Variants in RTEL1 observed in about 807,000 individuals in gnomAD.
RTEL1 encodes the protein regulator of telomere elongation helicase 1.
In RTEL1, 86 loss-of-function variants were observed where a neutral mutation model predicts 162.2. The ratio of observed to expected loss-of-function variants is 0.53; its 90% confidence interval spans 0.45 to 0.63. The LOEUF is 0.63. Ranked by LOEUF, RTEL1 falls within the 30% of genes least tolerant of loss-of-function variation. The pLI, the probability that RTEL1 is intolerant of heterozygous loss-of-function variation, is 0.00. For synonymous variants in RTEL1, 958 were observed against 717.9 expected (o/e 1.33, Z -5.35); for missense variants, 1,941 against 1,750.2 (o/e 1.11, Z -1.95).
chr20:63,690,061 G>T, intron 24 of RTEL1, 26 bp from the exon 25 acceptor site: 1 of 1,605,834 alleles, frequency 6.2e-7, no homozygotes, highest in Non-Finnish European at 8.5e-7. Context: ...TGTGGGCAGG[G>T]CAGCAGGGCT....
chr20:63,683,310 G>A (rs2090515384), intron 14 of RTEL1, among the ~76,000 whole-genome samples: 1 of 152,196 alleles, frequency 6.6e-6, no homozygotes, highest in African/African-American at 2.4e-5. Context: ...GGCAGACTCA[G>A]CCCTGCTCAT....
chr20:63,666,687 C>T (rs998233121), intron 7 of RTEL1, among the ~76,000 whole-genome samples: 6 of 152,092 alleles, frequency 3.9e-5, no homozygotes, highest in African/African-American at 1.4e-4. Context: ...AGGCACACAC[C>T]ACCATGCCTG....
intron 27 of RTEL1, among the ~76,000 whole-genome samples, chr20:63,691,367 A>T (rs1219565488): frequency 6.6e-6 from 1 of 152,050 alleles, no homozygotes; most frequent in South Asian, 2.1e-4. Flanking sequence ...GGCCAACCCG[A>T]AATTTTCTCC....
In RTEL1 at chr20:63,691,040, A is replaced by C. The variant is rs547338034; in HGVS notation, c.2556+93A>C. The C allele has an allele frequency of 3.1e-4, 397 of 1,289,158 alleles. 1 individual carries two copies. In the African/African-American group the frequency reaches 3.3e-3, roughly 11 times the overall value. The allele number at this position is 1,289,158 out of a possible 1,614,324, so 79.9% of individuals were successfully genotyped here. ...TCTGGCCTCAGGCACCTCCCCACAC[A>C]CCCCTGTAAATCCCCTGCCTGGCAG... On this transcript the variant is annotated intron_variant, in intron 27 of 34. Transcript: ENST00000360203.
rs929062749 is a variant in RTEL1 at position 63,692,951 on chromosome 20, C to T, written c.2799C>T (p.Ala933=). Residue 933 remains alanine, a synonymous_variant, in exon 29 of 35, where the codon GCC becomes GCT. Coordinates refer to ENST00000360203, the MANE Select transcript of RTEL1 (RefSeq NM_001283009.2). ...CCGATGACTTCGCCGCCCTGGCCGC[C>T]TGTCTCGGCCCCCTCTTTGCTGAGG... ...KGSDDFAALA[A]CLGPLFAEDP... is the part of the protein sequence containing the mutation. 7 of 1,612,674 alleles carry T rather than the reference C, an allele frequency of 4.3e-6. No individual in the cohort carries two copies. The highest frequency in any genetic ancestry group is 3.3e-5 in the Admixed American group (2 of 60,016).
chr20:63,676,534 C>T (rs1044728036), intron 10 of RTEL1, among the ~76,000 whole-genome samples: 1 of 152,148 alleles, frequency 6.6e-6, no homozygotes, highest in African/African-American at 2.4e-5. Context: ...TGCAAGATGG[C>T]AGTGTGCTAA....
At chr20:63,669,402 G>A (rs2090203178) in intron 8 of RTEL1, among the ~76,000 whole-genome samples, 1 of 152,170 alleles carries the variant, frequency 6.6e-6, no homozygotes, top group Non-Finnish European at 1.5e-5. Flanking sequence ...CAAGGCACTA[G>A]CCATGAAGAA....
At chr20:63,683,174 C>T (rs1360163041) in intron 14 of RTEL1, among the ~76,000 whole-genome samples, 1 of 152,178 alleles carries the variant, frequency 6.6e-6, no homozygotes, top group Non-Finnish European at 1.5e-5. Context: ...CCATGTTTCC[C>T]AGGCTGGTCT....
At position 63,688,509 on chromosome 20, in the gene RTEL1, C is replaced by T; in HGVS notation, c.1723-19C>T. The T allele has an allele frequency of 6.2e-7, 1 of 1,609,122 alleles. No homozygotes were observed. The highest frequency in any genetic ancestry group is 1.1e-5 in the South Asian group (1 of 90,600). On this transcript the variant is annotated intron_variant, in intron 20 of 34. Coordinates refer to ENST00000360203, the MANE Select transcript of RTEL1 (RefSeq NM_001283009.2). ...CGGCGTGACCAGGGCTGCCGTGTCC[C>T]TGCCTCTTCCTCCCACAGGCCCGCG...
rs773057692 is a variant in RTEL1 at position 63,692,795 on chromosome 20, T to G, written c.2653-10T>G. The G allele has an allele frequency of 6.8e-6, 11 of 1,607,630 alleles. No homozygotes were observed. In the South Asian group the frequency reaches 1.2e-4, roughly 18 times the overall value. On this transcript the variant is annotated splice_polypyrimidine_tract_variant and intron_variant, in intron 28 of 34. Transcript: ENST00000360203. ...TGGCCCTGATGGAGCCTCGGGCCTGTGTCCTGCAGGAGGAGCCCGTGGCTG... is the reference window on the plus strand; with the variant it reads ...TGGCCCTGATGGAGCCTCGGGCCTGGGTCCTGCAGGAGGAGCCCGTGGCTG...
Position 63,693,013 on chromosome 20 carries a change from C to A in RTEL1, c.2851+10C>A, listed in dbSNP as rs1312360021. The A allele has an allele frequency of 1.2e-6, 2 of 1,612,230 alleles. No individual in the cohort carries two copies. Among genetic ancestry groups the A allele is most frequent in the Non-Finnish European group, 1.7e-6 (2 of 1,179,540 alleles). ...CACAACCTGCTCCAAGGTGCCCTGG[C>A]TTGCAGAGGCCACCCACCCTGAGGG... On this transcript the variant is annotated intron_variant, in intron 29 of 34. Coordinates refer to ENST00000360203, the MANE Select transcript of RTEL1 (RefSeq NM_001283009.2).
In RTEL1 at chr20:63,693,264, G is replaced by A. The variant is rs748092893; in HGVS notation, c.2973G>A (p.Gln991=). The change falls in exon 30 of 35, where the codon CAG becomes CAA. Residue 991 remains glutamine (Q), a synonymous_variant. Coordinates refer to ENST00000360203, the MANE Select transcript of RTEL1 (RefSeq NM_001283009.2). ...GCATTCCCCGAAGGCAGCGGGCACAGCCGGTCCTGGACCCCACTGGTAAAT... is the reference window on the plus strand; with the variant it reads ...GCATTCCCCGAAGGCAGCGGGCACAACCGGTCCTGGACCCCACTGGTAAAT... ...EHSIPRRQRA[Q]PVLDPTGRTA... The A allele has an allele frequency of 2.5e-6, 4 of 1,611,884 alleles. No individual in the cohort carries two copies. The South Asian group carries it at 4.4e-5, about 18-fold the overall frequency.
At chr20:63,689,179 G>A (rs748142510) in intron 22 of RTEL1, 47 bp downstream of exon 22, 1 of 1,569,264 alleles carries the variant, frequency 6.4e-7, no homozygotes, top group African/African-American at 1.3e-5. Flanking sequence ...CCTGTTCCCT[G>A]GTGGGTGCTT....
At chr20:63,693,073 T>G (rs2090798401) in intron 29 of RTEL1, 70 bp downstream of exon 29, 37 of 1,609,810 alleles carry the variant, frequency 2.3e-5, no homozygotes, top group Non-Finnish European at 3.1e-5. Context: ...GGGGGCCATC[T>G]GGGTCCAAGG....
In RTEL1 at chr20:63,685,524, T is replaced by C; in HGVS notation, c.1193T>C (p.Ile398Thr). Residue 398 changes from isoleucine (I) to threonine (T), a missense_variant and splice_region_variant, in exon 15 of 35, where the codon ATT becomes ACT. Physicochemically the swap from Ile to Thr is moderately conservative, Grantham distance 89 (BLOSUM62 -1). Coordinates refer to ENST00000360203, the MANE Select transcript of RTEL1 (RefSeq NM_001283009.2). Reference protein sequence around the residue: ...GLQKLADIIQIVFSVDPSEGS... With the variant: ...GLQKLADIIQTVFSVDPSEGS... ...GGCTGCACTTCCTCTGCCTTTCAGA[T>C]TGTGTTCAGTGTGGACCCCTCCGAG... is the stretch of plus-strand genomic sequence containing the variant. 6.2e-7 allele frequency: 1 copy of C among 1,612,430 alleles called. No homozygotes were observed.
chr20:63,680,558 T>G, intron 13 of RTEL1, 106 bp from the exon 14 acceptor site: 1 of 1,240,518 alleles, frequency 8.1e-7, no homozygotes, highest in Non-Finnish European at 1.2e-6. Context: ...GGGCAGGAGA[T>G]GGAGCTTGGC....
At position 63,689,755 on chromosome 20, in the gene RTEL1, C is replaced by T. The variant is rs1450407503; in HGVS notation, c.2031C>T (p.Leu677=). ...CGAGCCGCCTCGCCCCACAGTTCCT[C>T]TCTGGGCAGGAGTGGTACCGGCAGC... is the stretch of plus-strand genomic sequence containing the variant. ...KGQGGAGGQF[L]SGQEWYRQQA... Residue 677 remains leucine, a synonymous_variant, in exon 24 of 35, where the codon CTC becomes CTT. Transcript: ENST00000360203. The T allele has an allele frequency of 1.6e-5, 25 of 1,611,876 alleles. No individual in the cohort carries two copies. The Admixed American group carries it at 4.2e-4, about 27-fold the overall frequency.
chr20:63,687,346 CAGA>C (rs2090619467), intron 16 of RTEL1: 2 of 355,172 alleles, frequency 5.6e-6, no homozygotes, highest in Non-Finnish European at 1.0e-5. Flanking sequence ...ACAGTTTCTG[CAGA>C]AGTTTAGGGT....
chr20:63,691,174 C>T (rs890886334), intron 27 of RTEL1, among the ~76,000 whole-genome samples: 2 of 152,084 alleles, frequency 1.3e-5, no homozygotes, highest in Non-Finnish European at 2.9e-5. Flanking sequence ...CCCTGGCCCT[C>T]CGCGGGTGCC....
Sources: gnomAD v4.1 joint callset for allele counts (sites outside exome capture counted in the v4.1 genomes callset) on GRCh38, gnomAD v4.1.1 for gene constraint, MANE v1.5 for transcripts, NCBI Gene and HGNC (gene_info 2026-07-23, HGNC 2026-07-21) for gene names.